Variants in SEMA3C observed in about 807,000 individuals in gnomAD.
The protein encoded by SEMA3C is semaphorin 3C, also known as semaphorin-3C.
A neutral mutation model predicts 89.4 loss-of-function variants in SEMA3C; 47 were observed. That is an observed-to-expected ratio of 0.53 (90% CI 0.42 to 0.67). The LOEUF (loss-of-function observed/expected upper bound fraction) is 0.67, where lower values mean the gene tolerates loss of function less well. Ranked by LOEUF, SEMA3C falls within the 30% of genes least tolerant of loss-of-function variation. The pLI, the probability that SEMA3C is intolerant of heterozygous loss-of-function variation, is 0.00. For missense variants in SEMA3C, 839 were observed against 929.1 expected (o/e 0.90, Z 1.26); for synonymous variants, 310 against 320.2 (o/e 0.97, Z 0.34).
At chr7:80,807,590 C>T (rs1234331413) in intron 6 of SEMA3C, among the ~76,000 whole-genome samples, 3 of 151,836 alleles carry the variant, frequency 2.0e-5, no homozygotes, top group African/African-American at 7.3e-5. Flanking sequence ...AAACATTTTG[C>T]TTTCCAACTG....
At chr7:80,797,523 T>C (rs1040838487) in intron 11 of SEMA3C, among the ~76,000 whole-genome samples, 1 of 152,248 alleles carries the variant, frequency 6.6e-6, no homozygotes, top group African/African-American at 2.4e-5. Context: ...CTGTGTTACT[T>C]CAGTTACAAA....
At chr7:80,884,384 C>T (rs73141842) in intron 2 of SEMA3C, among the ~76,000 whole-genome samples, 2,144 of 152,176 alleles carry the variant, frequency 0.014, 23 homozygotes, top group Non-Finnish European at 0.022. Context: ...TCTTCCTAAC[C>T]GCTACAAAAA....
At chr7:80,891,525 CAAA>C (rs746854137) in intron 2 of SEMA3C, among the ~76,000 whole-genome samples, 2 of 144,160 alleles carry the variant, frequency 1.4e-5, no homozygotes, top group Non-Finnish European at 1.5e-5. Flanking sequence ...AGAATGGTAA[CAAA>C]AAAAAAAGTA....
chr7:80,802,918 C>G (rs1198643004), intron 8 of SEMA3C, 139 bp from the exon 9 acceptor site: 1 of 534,760 alleles, frequency 1.9e-6, no homozygotes, highest in East Asian at 2.9e-5. Context: ...CATCAGTTGT[C>G]AAAGAGGAAT....
At chr7:80,913,252 T>C (rs1009367238) in intron 2 of SEMA3C, among the ~76,000 whole-genome samples, 14 of 151,946 alleles carry the variant, frequency 9.2e-5, no homozygotes, top group African/African-American at 3.4e-4. Flanking sequence ...AGTACAAAAA[T>C]TAGCTGGGCA....
intron 16 of SEMA3C, among the ~76,000 whole-genome samples, chr7:80,749,855 T>C (rs1454295626): frequency 6.6e-6 from 1 of 152,170 alleles, no homozygotes; most frequent in Non-Finnish European, 1.5e-5. Flanking sequence ...GCTCAGGTTC[T>C]GACACAAAGT....
chr7:80,846,284 C>T (rs1790387836), intron 2 of SEMA3C, among the ~76,000 whole-genome samples: 1 of 152,152 alleles, frequency 6.6e-6, no homozygotes, highest in African/African-American at 2.4e-5. Flanking sequence ...AAACATCATG[C>T]TATGTCATGC....
At chr7:80,811,212 C>T (rs778635868) in intron 5 of SEMA3C, among the ~76,000 whole-genome samples, 10 of 152,066 alleles carry the variant, frequency 6.6e-5, no homozygotes, top group African/African-American at 2.4e-4. Flanking sequence ...TTACTCATGA[C>T]TTTATTTAAC....
chr7:80,800,560 T>C (rs189696631), intron 10 of SEMA3C, among the ~76,000 whole-genome samples, 197 bp downstream of exon 10: 2 of 152,330 alleles, frequency 1.3e-5, no homozygotes, highest in East Asian at 3.9e-4. Context: ...ACAAATACTC[T>C]CTACAAAAGT....
At chr7:80,771,005 CTG>C (rs1788420217) in intron 12 of SEMA3C, among the ~76,000 whole-genome samples, 1 of 152,190 alleles carries the variant, frequency 6.6e-6, no homozygotes, top group Non-Finnish European at 1.5e-5. Context: ...ATGTCTGAGG[CTG>C]TGTTCTGGAT....
At chr7:80,840,479 A>G (rs1790237132) in intron 2 of SEMA3C, among the ~76,000 whole-genome samples, 1 of 142,962 alleles carries the variant, frequency 7.0e-6, no homozygotes, top group South Asian at 2.2e-4. Context: ...TGATTGCACC[A>G]CTGCACTCCA....
chr7:80,780,190 C>T (rs1320179183), intron 12 of SEMA3C, among the ~76,000 whole-genome samples: 1 of 152,134 alleles, frequency 6.6e-6, no homozygotes, highest in Non-Finnish European at 1.5e-5. Flanking sequence ...ATCAGGCAGC[C>T]ACTCCCATGT....
At chr7:80,750,640 G>C (rs1441194868) in intron 16 of SEMA3C, among the ~76,000 whole-genome samples, 3 of 151,358 alleles carry the variant, frequency 2.0e-5, no homozygotes, top group African/African-American at 7.3e-5. Context: ...AGTCACAAAA[G>C]GACAAATATT....
chr7:80,891,184 A>T (rs527333844), intron 2 of SEMA3C, among the ~76,000 whole-genome samples: 2 of 152,076 alleles, frequency 1.3e-5, no homozygotes, highest in Non-Finnish European at 2.9e-5. Flanking sequence ...GCATTTTGTG[A>T]TATTTGGTTA....
At chr7:80,889,271 T>C (rs534716681) in intron 2 of SEMA3C, among the ~76,000 whole-genome samples, 16 of 152,358 alleles carry the variant, frequency 1.1e-4, no homozygotes, top group African/African-American at 3.4e-4. Context: ...TTAGGTATAA[T>C]AAATGTAAAG....
intron 2 of SEMA3C, among the ~76,000 whole-genome samples, chr7:80,912,495 T>C (rs1201927278): frequency 2.0e-5 from 3 of 152,200 alleles, no homozygotes; most frequent in Non-Finnish European, 4.4e-5. Context: ...TCAGGTAATG[T>C]CCAACTCACA....
intron 12 of SEMA3C, among the ~76,000 whole-genome samples, chr7:80,777,558 C>T (rs1275276915): frequency 1.3e-5 from 2 of 152,202 alleles, no homozygotes; most frequent in African/African-American, 2.4e-5. Flanking sequence ...TCCCAAAGTG[C>T]TGGGAGTACA....
At chr7:80,757,209 G>A (rs1788085431) in intron 15 of SEMA3C, among the ~76,000 whole-genome samples, 1 of 152,200 alleles carries the variant, frequency 6.6e-6, no homozygotes, top group Admixed American at 6.5e-5. Context: ...GATCATTGGT[G>A]CTCATGGCTG....
In SEMA3C at chr7:80,744,444, T is replaced by G. The variant is rs1044813362; in HGVS notation, c.*450A>C. On this transcript the variant is annotated 3_prime_UTR_variant, in exon 18 of 18. Coordinates refer to ENST00000265361, the MANE Select transcript of SEMA3C (RefSeq NM_006379.5). ...CTTTTCTATTTCTTTTGATAGCCAT[T>G]CTGTCATATGCATTTATGACTTTTA... 4 of 155,578 alleles carry G rather than the reference T, an allele frequency of 2.6e-5. No homozygotes were observed. The highest frequency in any genetic ancestry group is 9.6e-5 in the African/African-American group (4 of 41,488). 9.6% of individuals were successfully genotyped at this position (155,578 alleles called of 1,614,324 possible).
Sources: allele counts gnomAD v4.1 joint callset (sites outside exome capture counted in the v4.1 genomes callset), GRCh38; gene constraint gnomAD v4.1.1; transcripts MANE v1.5; gene names NCBI Gene and HGNC (gene_info 2026-07-23, HGNC 2026-07-21).